The following RBFOX1 variants were observed in gnomAD, a reference collection of about 807,000 sequenced individuals.
The protein encoded by RBFOX1 is RNA binding protein fox-1 homolog 1.
RBFOX1 carries 8 observed loss-of-function variants against 57.7 expected under a neutral mutation model. That is an observed-to-expected ratio of 0.14 (90% confidence interval 0.08 to 0.25). The LOEUF is 0.25. RBFOX1 is among the 10% of genes least tolerant of loss of function. The pLI, the probability that RBFOX1 is intolerant of heterozygous loss-of-function variation, is 1.00. For missense variants in RBFOX1, 611 were observed against 548.5 expected, an observed-to-expected ratio of 1.11 and a Z score of -1.14; for synonymous variants, 326 against 222.4, an observed-to-expected ratio of 1.47 and a Z score of -4.15.
chr16:6,033,435 G>A (rs188780047), intron 1 of RBFOX1, among the ~76,000 whole-genome samples: 1 of 152,252 alleles, frequency 6.6e-6, no homozygotes, highest in African/African-American at 2.4e-5. Flanking sequence ...TATTTTTATA[G>A]TTTCTCATGC....
At chr16:7,359,968 A>G (rs1302139684) in intron 4 of RBFOX1, among the ~76,000 whole-genome samples, 1 of 147,794 alleles carries the variant, frequency 6.8e-6, no homozygotes, top group Non-Finnish European at 1.5e-5. Context: ...TGGGTGACAG[A>G]GCGAGACTCT....
At chr16:6,703,269 A>G (rs954054123) in intron 3 of RBFOX1, among the ~76,000 whole-genome samples, 2 of 151,304 alleles carry the variant, frequency 1.3e-5, no homozygotes, top group Non-Finnish European at 3.0e-5. Flanking sequence ...AGAGCTGTTA[A>G]TTTCATTTCA....
Position 6,406,577 on chromosome 16 carries a change from CA to C in RBFOX1, c.-64+89521del, listed in dbSNP as rs556340190. On this transcript the variant is annotated intron_variant, in intron 2 of 15. Coordinates refer to ENST00000550418, the MANE Select transcript of RBFOX1 (RefSeq NM_018723.4). ...TGTAGACCTATTTTTGGAAGTCGAACATTTTTTTTTTTTTTCATTTTAAGCA... is the reference window on the plus strand; with the variant it reads ...TGTAGACCTATTTTTGGAAGTCGAACTTTTTTTTTTTTTTCATTTTAAGCA... 1.7e-3 allele frequency among the ~76,000 whole-genome samples: 238 copies of C among 144,144 alleles called. No individual in the cohort carries two copies. In the Middle Eastern group the frequency reaches 0.032, roughly 19 times the overall value. The allele number at this position is 144,144 out of a possible 152,430, so 94.6% of individuals were successfully genotyped here. A position where few individuals can be genotyped will look rare whatever the true frequency, so the allele number is the denominator to read the frequency against.
At chr16:7,261,519 G>C (rs780921558) in intron 4 of RBFOX1, among the ~76,000 whole-genome samples, 1 of 152,110 alleles carries the variant, frequency 6.6e-6, no homozygotes, top group Non-Finnish European at 1.5e-5. Flanking sequence ...GATCAGCATA[G>C]GAGATAACTA....
At chr16:6,691,778 G>C (rs2060246065) in intron 3 of RBFOX1, among the ~76,000 whole-genome samples, 1 of 152,170 alleles carries the variant, frequency 6.6e-6, no homozygotes, top group African/African-American at 2.4e-5. Flanking sequence ...ACCTTGGATT[G>C]AGGAAAATTA....
intron 3 of RBFOX1, among the ~76,000 whole-genome samples, chr16:5,863,286 A>G (rs989397352): frequency 6.6e-6 from 1 of 152,242 alleles, no homozygotes; most frequent in African/African-American, 2.4e-5. Flanking sequence ...AAAGCTTTCA[A>G]GAGAGTCCTG....
intron 11 of RBFOX1, among the ~76,000 whole-genome samples, chr16:7,643,281 C>T (rs1195621359): frequency 2.0e-5 from 3 of 152,180 alleles, no homozygotes; most frequent in Non-Finnish European, 4.4e-5. Flanking sequence ...ACTCGTTGCT[C>T]AGAGTAAATC....
At chr16:7,660,662 C>G (rs965011507) in intron 12 of RBFOX1, among the ~76,000 whole-genome samples, 5 of 152,234 alleles carry the variant, frequency 3.3e-5, no homozygotes, top group African/African-American at 7.2e-5. Flanking sequence ...TTGCATAGAG[C>G]TATGATTCTC....
intron 3 of RBFOX1, among the ~76,000 whole-genome samples, chr16:5,677,430 C>T (rs1226297297): frequency 6.6e-6 from 1 of 152,126 alleles, no homozygotes; most frequent in Non-Finnish European, 1.5e-5. Flanking sequence ...TCCCTGTTTA[C>T]AGTAGATAAA....
At chr16:7,025,908 T>A (rs1328540725) in intron 3 of RBFOX1, among the ~76,000 whole-genome samples, 1 of 152,036 alleles carries the variant, frequency 6.6e-6, no homozygotes, top group Non-Finnish European at 1.5e-5. Context: ...ACTTCAGGGA[T>A]GCCTAGACCC....
chr16:6,009,802 A>ATGTGTGTGTG (rs753032432), intron 4 of RBFOX1, among the ~76,000 whole-genome samples: 2 of 58,562 alleles, frequency 3.4e-5, no homozygotes, highest in African/African-American at 8.8e-5. Context: ...CAGTGTGTGT[A>ATGTGTGTGTG]TGTGTGTGTG....
chr16:6,836,394 G>A (rs968491846), intron 3 of RBFOX1, among the ~76,000 whole-genome samples: 4 of 152,166 alleles, frequency 2.6e-5, no homozygotes, highest in Non-Finnish European at 5.9e-5. Flanking sequence ...AAACCCCATA[G>A]GGTTTTAACC....
rs374303168 is a variant in RBFOX1, at chr16:5,295,488, C to G, written c.219+55383C>G. Among the ~76,000 whole-genome samples, 38 of 152,272 alleles carry G rather than the reference C, an allele frequency of 2.5e-4. No homozygotes were observed. The East Asian group carries it at 5.4e-3, about 22-fold the overall frequency. ...TGCAGCCGTAGTGTCAGCCAGGGCT[C>G]GGTTCTCATCTGGAGGCTTGACGGG... On this transcript the variant is annotated intron_variant, in intron 1 of 2. Transcript: ENST00000585867.
intron 3 of RBFOX1, among the ~76,000 whole-genome samples, chr16:6,824,732 A>G (rs1487070953): frequency 1.3e-5 from 2 of 152,098 alleles, no homozygotes; most frequent in Admixed American, 6.5e-5. Context: ...TTTCTTTGAA[A>G]AAGTCCAAAA....
intron 3 of RBFOX1, chr16:6,704,119 T>G (rs1207158068): frequency 6.6e-6 from 1 of 152,220 alleles, no homozygotes; most frequent in Non-Finnish European, 1.5e-5. Context: ...ATTTCTTAAT[T>G]CATTTCACCT....
intron 4 of RBFOX1, among the ~76,000 whole-genome samples, chr16:7,093,201 G>T (rs1205031464): frequency 6.6e-6 from 1 of 152,174 alleles, no homozygotes; most frequent in Admixed American, 6.5e-5. Flanking sequence ...ACTGGTCACC[G>T]TGTATCTCAG....
rs556211813 is a variant in RBFOX1 at position 5,819,818 on chromosome 16, A to G, written c.319-47485A>G. On this transcript the variant is annotated intron_variant, in intron 3 of 19. Transcript: ENST00000641259. Reference sequence around the variant, plus strand: ...TTACATGCTAGATCATGCCCTAGGCAGGCCCTGGAGCCCCAGAAATGATGG... The same window carrying G: ...TTACATGCTAGATCATGCCCTAGGCGGGCCCTGGAGCCCCAGAAATGATGG... Among the ~76,000 whole-genome samples the G allele has an allele frequency of 6.4e-4, 98 of 152,318 alleles. 1 individual carries two copies. Among genetic ancestry groups the G allele is most frequent in the African/African-American group, 2.2e-3 (90 of 41,590 alleles).
intron 3 of RBFOX1, among the ~76,000 whole-genome samples, chr16:6,977,748 A>T (rs1287652369): frequency 1.3e-5 from 2 of 152,082 alleles, no homozygotes; most frequent in African/African-American, 2.4e-5. Context: ...AATAAAGGCC[A>T]TTTCTCTGAA....
chr16:7,162,419 G>T (rs1337475045), intron 4 of RBFOX1, among the ~76,000 whole-genome samples: 3 of 151,858 alleles, frequency 2.0e-5, no homozygotes, highest in Non-Finnish European at 4.4e-5. Context: ...CCATTGTGCA[G>T]GTTCTAAAAA....
Sources: allele counts gnomAD v4.1 joint callset (sites outside exome capture counted in the v4.1 genomes callset), GRCh38; gene constraint gnomAD v4.1.1; transcripts MANE v1.5; gene names NCBI Gene and HGNC (gene_info 2026-07-23, HGNC 2026-07-21).